TLE5: variants seen among roughly 807,000 people sequenced by gnomAD.
TLE5 encodes TLE family member 5, transcriptional modulator.
A neutral mutation model predicts 25.8 loss-of-function variants in TLE5; 7 were observed. The observed-to-expected ratio is 0.27, with a 90% CI of 0.15 to 0.51. The LOEUF is 0.51. Ranked by LOEUF, TLE5 falls within the 20% of genes least tolerant of loss-of-function variation. The pLI is 0.97. For synonymous variants in TLE5, 132 were observed against 110.5 expected, an observed-to-expected ratio of 1.20 and a Z score of -1.22; for missense variants, 149 against 250.7, an observed-to-expected ratio of 0.59 and a Z score of 2.74.
intron 4 of TLE5, 103 bp downstream of exon 4, chr19:3,056,209 A>C: frequency 1.1e-4 from 59 of 555,214 alleles, no homozygotes; most frequent in Non-Finnish European, 1.4e-4. Flanking sequence ...TGCCCAGCCG[A>C]GGGCCGGCCG....
At position 3,053,010 on chromosome 19, in the gene TLE5, A is replaced by T. The variant is rs2090186684; in HGVS notation, c.*809T>A. The T allele has an allele frequency of 6.6e-6, 1 of 152,026 alleles. No homozygotes were observed. Among genetic ancestry groups the T allele is most frequent in the South Asian group, 2.1e-4 (1 of 4,830 alleles). The allele number at this position is 152,026 out of a possible 1,614,324, so 9.4% of individuals were successfully genotyped here. On this transcript the variant is annotated 3_prime_UTR_variant, in exon 7 of 7. Coordinates refer to ENST00000327141, the MANE Select transcript of TLE5 (RefSeq NM_001130.6). ...GAGATCAGACGATTGAACACGAGAT[A>T]AGCTGACTATATACAGACACAGGTG...
intron 2 of TLE5, among the ~76,000 whole-genome samples, chr19:3,058,146 G>A (rs939810185): frequency 1.4e-4 from 21 of 152,206 alleles, no homozygotes; most frequent in African/African-American, 4.8e-4. Flanking sequence ...CTGACTGTAA[G>A]AAGGGGGTGA....
intron 2 of TLE5, 104 bp downstream of exon 2, chr19:3,061,056 T>A (rs2090261860): frequency 1.2e-6 from 1 of 806,248 alleles, no homozygotes; most frequent in African/African-American, 1.7e-5. Context: ...GAGTCTAGCA[T>A]ATATTATTTT....
Position 3,055,729 on chromosome 19 carries a change from G to C in TLE5, c.235-3C>G. ...TTCAGCCTTTTGACGATCTCAGCCTGGAACACACAGATGAAGCCGGCTTCA... is the reference window on the plus strand; with the variant it reads ...TTCAGCCTTTTGACGATCTCAGCCTCGAACACACAGATGAAGCCGGCTTCA... On this transcript the variant is annotated splice_region_variant and splice_polypyrimidine_tract_variant and intron_variant, in intron 4 of 6. Coordinates refer to ENST00000327141, the MANE Select transcript of TLE5 (RefSeq NM_001130.6). 6.2e-7 allele frequency: 1 copy of C among 1,606,502 alleles called. No individual in the cohort carries two copies. The highest frequency in any genetic ancestry group is 8.5e-7 in the Non-Finnish European group (1 of 1,176,218).
chr19:3,059,458 G>C (rs574718542), intron 2 of TLE5, among the ~76,000 whole-genome samples: 67 of 152,322 alleles, frequency 4.4e-4, no homozygotes, highest in Non-Finnish European at 8.1e-4. Flanking sequence ...AAAGGTGGAG[G>C]TTGCAGTGAG....
At position 3,053,983 on chromosome 19, in the gene TLE5, G is replaced by A; in HGVS notation, c.430C>T (p.Pro144Ser). The change falls in exon 7 of 7, where the codon CCA (proline) becomes TCA (serine). Residue 144 changes from proline (P) to serine (S), a missense_variant. Pro to Ser is a moderately conservative substitution (Grantham distance 74). Coordinates refer to ENST00000327141, the MANE Select transcript of TLE5 (RefSeq NM_001130.6). ...GGCGGCTGCAGCCCCACGGGTAGTG[G>A]GGTCAAGGGCAGGGCCAGGGCCTGC... ...QLQALALPLT[P>S]LPVGLQPPSL... The A allele has an allele frequency of 6.2e-7, 1 of 1,609,646 alleles. No homozygotes were observed. The highest frequency in any genetic ancestry group is 8.5e-7 in the Non-Finnish European group (1 of 1,178,758).
intron 2 of TLE5, chr19:3,060,887 G>T (rs2090260744): frequency 3.9e-6 from 1 of 253,498 alleles, no homozygotes; most frequent in Admixed American, 4.5e-5. Context: ...TTTATCCAAT[G>T]GGGGACTTGG....
chr19:3,054,087 C>CGGGGGGGGGGGGCG, intron 6 of TLE5, 33 bp downstream of exon 6: 1 of 1,476,454 alleles, frequency 6.8e-7, no homozygotes, highest in Non-Finnish European at 9.2e-7. Context: ...GCCCACCTGT[C>CGGGGGGGGGGGGCG]CCCCGCCCAC....
chr19:3,056,408 GGGGAC>G (rs1568264028), intron 3 of TLE5, 52 bp from the exon 4 acceptor site: 1 of 417,680 alleles, frequency 2.4e-6, no homozygotes, highest in South Asian at 1.9e-5. Flanking sequence ...GGAAGGATGG[GGGGAC>G]ACGGAGACAA....
chr19:3,061,414 T>C lies in TLE5; in HGVS notation c.28-157A>G, dbSNP rs1166784451. On this transcript the variant is annotated intron_variant, in intron 1 of 6. Transcript: ENST00000327141. ...CCCCTGGCGCGACCCCACCCGCGCT[T>C]CCTGCCCCCCGCCTCTCCCGGGGGA... is the stretch of plus-strand genomic sequence containing the variant. 3 of 474,512 alleles carry C rather than the reference T, an allele frequency of 6.3e-6. 1 individual carries two copies. Among genetic ancestry groups the C allele is most frequent in the Admixed American group, 7.6e-5 (2 of 26,308 alleles). The allele number at this position is 474,512 out of a possible 1,614,324, so 29.4% of individuals were successfully genotyped here. A position where few individuals can be genotyped will look rare whatever the true frequency, so the allele number is the denominator to read the frequency against.
Position 3,053,615 on chromosome 19 carries a change from G to A in TLE5, c.*204C>T, listed in dbSNP as rs1242251422. The A allele has an allele frequency of 1.6e-6, 1 of 615,272 alleles. No individual in the cohort carries two copies. Among genetic ancestry groups the A allele is most frequent in the Non-Finnish European group, 2.8e-6 (1 of 352,022 alleles). 38.1% of individuals were successfully genotyped at this position (615,272 alleles called of 1,614,324 possible). On this transcript the variant is annotated 3_prime_UTR_variant, in exon 7 of 7. Coordinates refer to ENST00000327141, the MANE Select transcript of TLE5 (RefSeq NM_001130.6). ...TCCACCTAACCAGGCTGCAGGGGAGGAGGAGGGAAGCCGGGAATGGGGTAG... is the reference window on the plus strand; with the variant it reads ...TCCACCTAACCAGGCTGCAGGGGAGAAGGAGGGAAGCCGGGAATGGGGTAG...
chr19:3,056,537 C>A (rs919303566), intron 3 of TLE5, 181 bp from the exon 4 acceptor site: 1 of 616,016 alleles, frequency 1.6e-6, no homozygotes, highest in South Asian at 1.8e-5. Context: ...GACGCCCACA[C>A]CCAGCATCCC....
chr19:3,056,000 T>C, intron 4 of TLE5: 2 of 516,030 alleles, frequency 3.9e-6, no homozygotes, highest in Non-Finnish European at 6.8e-6. Flanking sequence ...GGTCGGCCAC[T>C]CAGGCCCCTG....
intron 3 of TLE5, 48 bp downstream of exon 3, chr19:3,057,631 C>T: frequency 6.3e-7 from 1 of 1,579,492 alleles, no homozygotes; most frequent in South Asian, 1.1e-5. Context: ...ATGTGGAGGG[C>T]CCTGTCGCCC....
intron 3 of TLE5, chr19:3,056,889 A>G (rs1246213502): frequency 4.9e-6 from 1 of 203,994 alleles, no homozygotes; most frequent in Non-Finnish European, 1.0e-5. Context: ...AACCAAGTTC[A>G]TTCCCAGGCC....
chr19:3,053,996 G>A lies in TLE5; in HGVS notation c.417C>T (p.Ala139=). 3 of 1,607,582 alleles carry A rather than the reference G, an allele frequency of 1.9e-6. No homozygotes were observed. Among genetic ancestry groups the A allele is most frequent in the Non-Finnish European group, 2.5e-6 (3 of 1,177,838 alleles). The change falls in exon 7 of 7, where the codon GCC becomes GCT. Residue 139 remains alanine, a synonymous_variant. Transcript: ENST00000327141. ...CCACGGGTAGTGGGGTCAAGGGCAGGGCCAGGGCCTGCAGCTGGGACAGCT... is the reference window on the plus strand; with the variant it reads ...CCACGGGTAGTGGGGTCAAGGGCAGAGCCAGGGCCTGCAGCTGGGACAGCT... The part of the protein sequence containing the change: ...AHQLSQLQAL[A]LPLTPLPVGL...
At position 3,053,901 on chromosome 19, in the gene TLE5, G is replaced by A. The variant is rs2145253471; in HGVS notation, c.512C>T (p.Ser171Phe). ...TGLLSLSALGSQAHLSKEDKN... is the reference protein window; with the variant it reads ...TGLLSLSALGFQAHLSKEDKN... Reference sequence around the variant, plus strand: ...GTCTTCCTTGGAGAGGTGGGCCTGGGAACCCAGCGCGGACAGCGAGAGGAG... The same window carrying A: ...GTCTTCCTTGGAGAGGTGGGCCTGGAAACCCAGCGCGGACAGCGAGAGGAG... Residue 171 changes from serine to phenylalanine, a missense_variant, in exon 7 of 7, where the codon TCC becomes TTC. Physicochemically the swap from Ser to Phe is radical, Grantham distance 155. Transcript: ENST00000327141. 2 of 1,613,222 alleles carry A rather than the reference G, an allele frequency of 1.2e-6. No individual in the cohort carries two copies. The highest frequency in any genetic ancestry group is 1.1e-5 in the South Asian group (1 of 91,086).
chr19:3,055,818 T>G, intron 4 of TLE5, 92 bp from the exon 5 acceptor site: 1 of 1,381,034 alleles, frequency 7.2e-7, no homozygotes, highest in East Asian at 2.4e-5. Flanking sequence ...GGCCCAGCCC[T>G]GCCACTTGCG....
intron 5 of TLE5, 96 bp from the exon 6 acceptor site, chr19:3,054,290 C>A: frequency 8.4e-7 from 1 of 1,184,834 alleles, no homozygotes; most frequent in Non-Finnish European, 1.2e-6. Context: ...GCCCCACTAC[C>A]AAGTGGGCCA....
Sources: gnomAD v4.1 joint callset for allele counts (sites outside exome capture counted in the v4.1 genomes callset) on GRCh38, gnomAD v4.1.1 for gene constraint, MANE v1.5 for transcripts, NCBI Gene and HGNC (gene_info 2026-07-23, HGNC 2026-07-21) for gene names.